C9orf78: variants seen among roughly 807,000 people sequenced by gnomAD.
C9orf78 encodes chromosome 9 open reading frame 78.
C9orf78 carries 19 observed loss-of-function variants against 37.4 expected under a neutral mutation model. The observed-to-expected ratio is 0.51, with a 90% CI of 0.35 to 0.74. The LOEUF is 0.74. Among genes scored for constraint, C9orf78 ranks in the 30% least tolerant of loss-of-function variants. C9orf78 has a pLI of 0.01. For synonymous variants in C9orf78, 130 were observed against 128.0 expected (o/e 1.02, Z -0.10); for missense variants, 291 against 370.8 (o/e 0.78, Z 1.77).
At chr9:129,835,084 TC>T in intron 1 of C9orf78, 54 bp downstream of exon 1, 1 of 1,326,382 alleles carries the variant, frequency 7.5e-7, no homozygotes, top group Non-Finnish European at 1.1e-6. Flanking sequence ...CGGTGGTGAG[TC>T]CCCCAAACAA....
At chr9:129,832,036 G>T in intron 4 of C9orf78, 63 bp from the exon 5 acceptor site, 1 of 804,158 alleles carries the variant, frequency 1.2e-6, no homozygotes, top group Non-Finnish European at 2.2e-6. Context: ...TGAGTTTTAT[G>T]TTCTAAGAAG....
chr9:129,831,789 T>C, intron 5 of C9orf78, 107 bp downstream of exon 5: 1 of 751,454 alleles, frequency 1.3e-6, no homozygotes, highest in Admixed American at 1.8e-5. Context: ...GGGGCCAACT[T>C]TGACATCTTC....
In C9orf78 at chr9:129,827,321, T is replaced by C. The variant is rs1340329262; in HGVS notation, c.*840A>G. 2 of 152,144 alleles carry C rather than the reference T, an allele frequency of 1.3e-5. No homozygotes were observed. Among genetic ancestry groups the C allele is most frequent in the Admixed American group, 6.5e-5 (1 of 15,270 alleles). 9.4% of individuals were successfully genotyped at this position (152,144 alleles called of 1,614,324 possible). A position where few individuals can be genotyped will look rare whatever the true frequency, so the allele number is the denominator to read the frequency against. Reference sequence around the variant, plus strand: ...TCATTTTGAAATTTAATAATTCTAATAGTAATAAGAAACATAGTTTATGCT... The same window carrying C: ...TCATTTTGAAATTTAATAATTCTAACAGTAATAAGAAACATAGTTTATGCT... On this transcript the variant is annotated 3_prime_UTR_variant, in exon 9 of 9. Transcript: ENST00000372447.
At chr9:129,828,364 C>T (rs182112436) in intron 8 of C9orf78, 112 bp from the exon 9 acceptor site, 19 of 693,006 alleles carry the variant, frequency 2.7e-5, no homozygotes, top group Non-Finnish European at 3.8e-5. Flanking sequence ...GGAGCCCCAG[C>T]GCCTAACCCA....
At position 129,835,197 on chromosome 9, in the gene C9orf78, G is replaced by A. The variant is rs1304414498; in HGVS notation, c.25C>T (p.Arg9Cys). 7 of 1,610,344 alleles carry A rather than the reference G, an allele frequency of 4.3e-6. No individual in the cohort carries two copies. In the East Asian group the frequency reaches 9.0e-5, roughly 21 times the overall value. Residue 9 changes from arginine (R) to cysteine (C), a missense_variant, in exon 1 of 9, where the codon CGT becomes TGT. Physicochemically the swap from Arg to Cys is radical, Grantham distance 180. Around this residue, in one of 3 missense-constraint regions of C9orf78, gnomAD observed 158 missense variants for 174.8 expected, o/e 0.90. Coordinates refer to ENST00000372447, the MANE Select transcript of C9orf78 (RefSeq NM_016520.3). Reference sequence around the variant, plus strand: ...GACTCCGAGTCGCCCCGGCGGCGACGGAAAATCTTCCGGACGACCGGCATG... The same window carrying A: ...GACTCCGAGTCGCCCCGGCGGCGACAGAAAATCTTCCGGACGACCGGCATG... MPVVRKIF[R>C]RRRGDSESEE...
intron 8 of C9orf78, 45 bp from the exon 9 acceptor site, chr9:129,828,297 C>A: frequency 8.7e-7 from 1 of 1,150,618 alleles, no homozygotes; most frequent in South Asian, 1.2e-5. Flanking sequence ...ATGCTGGAAC[C>A]CACTGCTAGA....
rs2031566146 is a variant in C9orf78 at position 129,833,488 on chromosome 9, A to T, written c.225T>A (p.Gly75=). ...CCTTCAGTTTCTTCATATCCACCATACCACCTGTCTTCATCTGAAAGGGAT... is the reference window on the plus strand; with the variant it reads ...CCTTCAGTTTCTTCATATCCACCATTCCACCTGTCTTCATCTGAAAGGGAT... ...VDDPFQMKTG[G]MVDMKKLKER... Residue 75 remains glycine (G), a synonymous_variant, in exon 4 of 9, where the codon GGT becomes GGA. Transcript: ENST00000372447. The T allele has an allele frequency of 1.2e-6, 2 of 1,606,008 alleles. No homozygotes were observed. Among genetic ancestry groups the T allele is most frequent in the Non-Finnish European group, 1.7e-6 (2 of 1,172,924 alleles).
rs2031424548 is a variant in C9orf78, at chr9:129,829,206, C to T, written c.777G>A (p.Glu259=). The T allele has an allele frequency of 6.2e-7, 1 of 1,612,010 alleles. No individual in the cohort carries two copies. Among genetic ancestry groups the T allele is most frequent in the African/African-American group, 1.3e-5 (1 of 75,004 alleles). Residue 259 remains glutamate (E), a splice_region_variant and synonymous_variant, in exon 8 of 9, where the codon GAG becomes GAA. Coordinates refer to ENST00000372447, the MANE Select transcript of C9orf78 (RefSeq NM_016520.3). The part of the protein sequence containing the change: ...RVGDTEKPEP[E]RSPPNRKRPA... ...CCCCGAGGCCTTTGTTGCACTCACG[C>T]TCAGGCTCTGGCTTCTCCGTGTCAC... is the stretch of plus-strand genomic sequence containing the variant.
At position 129,833,509 on chromosome 9, in the gene C9orf78, G is replaced by C. The variant is rs1564188876; in HGVS notation, c.204C>G (p.Pro68=). 6.2e-7 allele frequency: 1 copy of C among 1,602,520 alleles called. No homozygotes were observed. Among genetic ancestry groups the C allele is most frequent in the Non-Finnish European group, 8.6e-7 (1 of 1,169,504 alleles). The change falls in exon 4 of 9, where the codon CCC becomes CCG. Residue 68 remains proline, a synonymous_variant. Coordinates refer to ENST00000372447, the MANE Select transcript of C9orf78 (RefSeq NM_016520.3). ...VQEETTLVDD[P]FQMKTGGMVD... ...CCATACCACCTGTCTTCATCTGAAAGGGATCATCCTGCAGAAAGCAAACAC... is the reference window on the plus strand; with the variant it reads ...CCATACCACCTGTCTTCATCTGAAACGGATCATCCTGCAGAAAGCAAACAC...
chr9:129,831,968 C>T lies in C9orf78; in HGVS notation c.272G>A (p.Ser91Asn), dbSNP rs375763230. Residue 91 changes from serine (S) to asparagine (N), a missense_variant, in exon 5 of 9, where the codon AGT becomes AAT. Physicochemically the swap from Ser to Asn is conservative, Grantham distance 46. Transcript: ENST00000372447. The stretch of plus-strand genomic sequence containing the variant: ...CCCCAGGTGCAGGTCCTCCTCCTCA[C>T]TGATCCTGGAGGGAGAGAACAATGA... ...KLKERGKDKI[S>N]EEEDLHLGTS... The T allele has an allele frequency of 5.3e-6, 8 of 1,520,480 alleles. No homozygotes were observed. The African/African-American group carries it at 6.8e-5, about 13-fold the overall frequency. 94.2% of individuals were successfully genotyped at this position (1,520,480 alleles called of 1,614,324 possible).
intron 5 of C9orf78, chr9:129,831,306 AGAT>A (rs1179929538): frequency 1.7e-5 from 9 of 531,782 alleles, no homozygotes; most frequent in African/African-American, 1.5e-4. Flanking sequence ...GAAGACAGAA[AGAT>A]GATAGTTTGC....
intron 5 of C9orf78, 63 bp from the exon 6 acceptor site, chr9:129,831,131 A>C: frequency 9.9e-7 from 1 of 1,007,482 alleles, no homozygotes; most frequent in Non-Finnish European, 1.6e-6. Context: ...TGTCCTCTAA[A>C]TCAGTGGTCC....
In C9orf78 at chr9:129,829,425, T is replaced by G; in HGVS notation, c.659A>C (p.Asn220Thr). Residue 220 changes from asparagine (N) to threonine (T), a missense_variant, in exon 7 of 9, where the codon AAT becomes ACT. Transcript: ENST00000372447. ...CTTACATCTGTTGTGCTGCACATAA[T>G]TCACAGCCATGTTGGTAGGCACGAA... ...TSFVPTNMAV[N>T]YVQHNRFYHE... 3 of 1,614,138 alleles carry G rather than the reference T, an allele frequency of 1.9e-6. No homozygotes were observed. Among genetic ancestry groups the G allele is most frequent in the Non-Finnish European group, 2.5e-6 (3 of 1,180,026 alleles).
rs938941264 is a variant in C9orf78 at position 129,827,669 on chromosome 9, T to C, written c.*492A>G. On this transcript the variant is annotated 3_prime_UTR_variant, in exon 9 of 9. Transcript: ENST00000372447. The stretch of plus-strand genomic sequence containing the variant: ...CACATTATTTTGTTTCAAAAAGTTA[T>C]AAATTTAGTGCTTGAAAAATCCAGC... 1 of 152,166 alleles carries C rather than the reference T, an allele frequency of 6.6e-6. No homozygotes were observed. Among genetic ancestry groups the C allele is most frequent in the Admixed American group, 6.6e-5 (1 of 15,262 alleles). 9.4% of individuals were successfully genotyped at this position (152,166 alleles called of 1,614,324 possible).
In C9orf78 at chr9:129,828,126, G is replaced by A. The variant is rs374516684; in HGVS notation, c.*35C>T. 1.7e-5 allele frequency: 21 copies of A among 1,234,116 alleles called. No individual in the cohort carries two copies. Among genetic ancestry groups the A allele is most frequent in the Non-Finnish European group, 2.4e-5 (20 of 839,416 alleles). The allele number at this position is 1,234,116 out of a possible 1,614,324, so 76.4% of individuals were successfully genotyped here. A position where few individuals can be genotyped will look rare whatever the true frequency, so the allele number is the denominator to read the frequency against. The stretch of plus-strand genomic sequence containing the variant: ...ATTTTTCATGGGAGGGATATAGGGA[G>A]AGGAAGGCGATATTTACATCCCACT... On this transcript the variant is annotated 3_prime_UTR_variant, in exon 9 of 9. Coordinates refer to ENST00000372447, the MANE Select transcript of C9orf78 (RefSeq NM_016520.3).
intron 4 of C9orf78, 41 bp downstream of exon 4, chr9:129,833,406 C>A (rs45507500): frequency 2.5e-6 from 3 of 1,213,204 alleles, no homozygotes; most frequent in Admixed American, 1.7e-5. Context: ...CCCAGGCAGC[C>A]GCTAAAGGTG....
At chr9:129,829,564 C>T (rs2031438361) in intron 6 of C9orf78, 23 bp from the exon 7 acceptor site, 1 of 1,608,360 alleles carries the variant, frequency 6.2e-7, no homozygotes, top group Non-Finnish European at 8.5e-7. Context: ...AGAAACCACA[C>T]CACTTAGAAG....
chr9:129,834,836 C>T (rs1389319138), intron 1 of C9orf78, 70 bp from the exon 2 acceptor site: 5 of 1,235,994 alleles, frequency 4.0e-6, no homozygotes, highest in Non-Finnish European at 5.9e-6. Context: ...GCTAACAGAG[C>T]CAATAAGGCA....
intron 8 of C9orf78, 170 bp from the exon 9 acceptor site, chr9:129,828,422 T>C: frequency 4.4e-6 from 2 of 450,108 alleles, no homozygotes; most frequent in South Asian, 4.4e-5. Flanking sequence ...TTTTTTTTTT[T>C]CTTTTCTTTT....
Sources: gnomAD v4.1 joint callset for allele counts on GRCh38, gnomAD v4.1.1 for gene constraint, gnomAD v4.1.1 regional missense constraint, MANE v1.5 for transcripts, NCBI Gene and HGNC (gene_info 2026-07-23, HGNC 2026-07-21) for gene names.